The following CREM variants were observed in gnomAD, a reference collection of about 807,000 sequenced individuals.
The protein encoded by CREM is cAMP responsive element modulator.
Under a neutral mutation model 37.3 loss-of-function variants are expected in CREM, and 13 were observed. The observed-to-expected ratio is 0.35, with a 90% confidence interval of 0.23 to 0.55. The LOEUF is 0.55. CREM is among the 20% of genes least tolerant of loss of function. CREM has a pLI of 0.88. For missense variants in CREM, 296 were observed against 362.3 expected (o/e 0.82, Z 1.49); for synonymous variants, 124 against 120.2 (o/e 1.03, Z -0.21).
At chr10:35,151,732 A>T (rs1395475090) in intron 3 of CREM, among the ~76,000 whole-genome samples, 1 of 152,230 alleles carries the variant, frequency 6.6e-6, no homozygotes, top group Admixed American at 6.5e-5. Flanking sequence ...TGCTAGAAAT[A>T]TAGAGATTAA....
intron 3 of CREM, among the ~76,000 whole-genome samples, chr10:35,173,304 T>C (rs548481952): frequency 1.3e-5 from 2 of 152,340 alleles, no homozygotes; most frequent in East Asian, 3.9e-4. Context: ...CTACAGAAGC[T>C]ATTATAATAT....
chr10:35,175,413 T>C (rs1212053088), intron 3 of CREM, among the ~76,000 whole-genome samples: 3 of 151,964 alleles, frequency 2.0e-5, no homozygotes, highest in Non-Finnish European at 4.4e-5. Context: ...GCCACTGCAC[T>C]CCAGCCTGGG....
At chr10:35,128,888 A>G (rs1247587729) in intron 1 of CREM, among the ~76,000 whole-genome samples, 2 of 152,298 alleles carry the variant, frequency 1.3e-5, no homozygotes, top group East Asian at 3.9e-4. Context: ...TAGTAGTCTT[A>G]AAGTCTTTCA....
intron 3 of CREM, chr10:35,175,525 A>G (rs1459230053): frequency 2.9e-6 from 2 of 683,840 alleles, no homozygotes; most frequent in Non-Finnish European, 5.1e-6. Flanking sequence ...CTGGCCTAAG[A>G]AAGGCTTCAC....
At chr10:35,145,002 A>G (rs2135858921) in intron 2 of CREM, among the ~76,000 whole-genome samples, 1 of 152,026 alleles carries the variant, frequency 6.6e-6, no homozygotes, top group East Asian at 1.9e-4. Context: ...TCTACTAAAA[A>G]TAAAAAAAAT....
intron 5 of CREM, among the ~76,000 whole-genome samples, chr10:35,186,984 ATATATAT>A (rs1489439745): frequency 1.0e-3 from 95 of 92,408 alleles, no homozygotes; most frequent in Non-Finnish European, 1.5e-3. Context: ...ATTATATGTG[ATATATAT>A]TATATATTAT....
rs1317408664 is a variant in CREM, at chr10:35,187,120, AT to A, written c.410-1079del. On this transcript the variant is annotated intron_variant, in intron 5 of 7. Transcript: ENST00000685392. ...TATATGATATATATTATATAAATAT[AT>A]AAATATATTAATATATTAATATATA... is the stretch of plus-strand genomic sequence containing the variant. Among the ~76,000 whole-genome samples the A allele has an allele frequency of 7.8e-4, 62 of 79,862 alleles. 1 individual carries two copies. The highest frequency in any genetic ancestry group is 3.1e-3 in the African/African-American group (60 of 19,174). The allele number at this position is 79,862 out of a possible 152,430, so 52.4% of individuals were successfully genotyped here.
intron 3 of CREM, among the ~76,000 whole-genome samples, chr10:35,162,418 A>T (rs2093343239): frequency 6.6e-6 from 1 of 152,224 alleles, no homozygotes; most frequent in Non-Finnish European, 1.5e-5. Flanking sequence ...AATGTTAATA[A>T]TGTTCTCACC....
chr10:35,201,693 TG>T (rs1315912954), intron 6 of CREM, among the ~76,000 whole-genome samples: 1 of 152,076 alleles, frequency 6.6e-6, no homozygotes, highest in Non-Finnish European at 1.5e-5. Flanking sequence ...CACATCATAA[TG>T]AGAACGCCTT....
intron 3 of CREM, among the ~76,000 whole-genome samples, chr10:35,157,478 T>C (rs1366023155): frequency 6.6e-6 from 1 of 151,712 alleles, no homozygotes; most frequent in Non-Finnish European, 1.5e-5. Flanking sequence ...CCAGAAAATA[T>C]ACAAATATTA....
At chr10:35,160,349 C>T (rs148186806) in intron 3 of CREM, among the ~76,000 whole-genome samples, 10 of 152,066 alleles carry the variant, frequency 6.6e-5, no homozygotes, top group Non-Finnish European at 7.4e-5. Flanking sequence ...GGTGTGCCAG[C>T]GAGTGGGCAG....
At chr10:35,171,076 T>C (rs1464723023) in intron 3 of CREM, 1 of 151,836 alleles carries the variant, frequency 6.6e-6, no homozygotes, top group African/African-American at 2.4e-5. Flanking sequence ...ACAGAATCTG[T>C]ATAACCTATC....
intron 3 of CREM, among the ~76,000 whole-genome samples, chr10:35,174,441 T>C (rs2093960197): frequency 1.3e-5 from 2 of 152,244 alleles, no homozygotes; most frequent in Non-Finnish European, 2.9e-5. Flanking sequence ...TTTTAACTTT[T>C]GGATTGCCAG....
chr10:35,150,275 C>G (rs1473598450), intron 3 of CREM, among the ~76,000 whole-genome samples: 1 of 152,004 alleles, frequency 6.6e-6, no homozygotes, highest in African/African-American at 2.4e-5. Context: ...GCAGTCCTTG[C>G]ACCTCAGCTT....
intron 2 of CREM, among the ~76,000 whole-genome samples, chr10:35,140,266 AAGC>A (rs1362583495): frequency 1.3e-5 from 2 of 152,204 alleles, no homozygotes; most frequent in Non-Finnish European, 2.9e-5. Flanking sequence ...ATGAAAGAGA[AAGC>A]ATATCTGAGT....
chr10:35,173,715 A>G (rs998124385), intron 3 of CREM, among the ~76,000 whole-genome samples: 1 of 152,202 alleles, frequency 6.6e-6, no homozygotes, highest in Admixed American at 6.5e-5. Context: ...GCTTGAAATC[A>G]GCCATAGTAG....
At chr10:35,185,328 T>C (rs995763162) in intron 5 of CREM, among the ~76,000 whole-genome samples, 50 of 152,052 alleles carry the variant, frequency 3.3e-4, no homozygotes, top group Non-Finnish European at 2.8e-4. Flanking sequence ...GGTCTTGAAC[T>C]CCTGACCTCA....
chr10:35,145,605 A>G (rs76237086), intron 2 of CREM, among the ~76,000 whole-genome samples: 4,448 of 152,084 alleles, frequency 0.029, 204 homozygotes, highest in African/African-American at 0.1. Context: ...ACATGGCGAA[A>G]CCCCGTCTCT....
At chr10:35,167,858 G>T in intron 3 of CREM, 1 of 1,474,792 alleles carries the variant, frequency 6.8e-7, no homozygotes, top group South Asian at 1.2e-5. Flanking sequence ...GTGAAAAGAG[G>T]GGTAAAAATT....
Sources: gnomAD v4.1 joint callset for allele counts (sites outside exome capture counted in the v4.1 genomes callset) on GRCh38, gnomAD v4.1.1 for gene constraint, MANE v1.5 for transcripts, NCBI Gene and HGNC (gene_info 2026-07-23, HGNC 2026-07-21) for gene names.